The following TARDBP variants were observed in gnomAD, a reference collection of about 807,000 sequenced individuals.
TARDBP encodes the protein TAR DNA binding protein.
A neutral mutation model predicts 38.3 loss-of-function variants in TARDBP; 4 were observed. The ratio of observed to expected loss-of-function variants is 0.10; its 90% CI spans 0.05 to 0.24. TARDBP has a LOEUF of 0.24. TARDBP is among the 10% of genes least tolerant of loss of function. TARDBP has a pLI of 1.00. For missense variants in TARDBP, 202 were observed against 521.9 expected, an observed-to-expected ratio of 0.39 and a Z score of 5.97; for synonymous variants, 184 against 183.8, an observed-to-expected ratio of 1.00 and a Z score of -0.01.
At position 11,023,606 on chromosome 1, in the gene TARDBP, C is replaced by T. The variant is rs1437283168; in HGVS notation, c.*952C>T. 3.2e-6 allele frequency: 1 copy of T among 311,780 alleles called. No homozygotes were observed. The highest frequency in any genetic ancestry group is 2.1e-5 in the African/African-American group (1 of 46,770). 19.3% of individuals were successfully genotyped at this position (311,780 alleles called of 1,614,324 possible). The stretch of plus-strand genomic sequence containing the variant: ...GAGAGTGTGCAGAGAGCAATGATAG[C>T]AAATAATGTACGAATGTTTTTTGCA... On this transcript the variant is annotated 3_prime_UTR_variant, in exon 6 of 6. Transcript: ENST00000240185.
intron 1 of TARDBP, 66 bp from the exon 2 acceptor site, chr1:11,013,649 AT>A (rs1259186155): frequency 5.4e-6 from 7 of 1,294,708 alleles, no homozygotes; most frequent in Non-Finnish European, 7.7e-6. Flanking sequence ...TGGTTTGGGT[AT>A]TATCATTATA....
chr1:11,020,626 C>T (rs565477395), intron 5 of TARDBP, 27 bp downstream of exon 5: 127 of 1,605,404 alleles, frequency 7.9e-5, no homozygotes, highest in Non-Finnish European at 9.9e-5. Flanking sequence ...CGATATGTCC[C>T]GGCCGGGCGT....
At chr1:11,014,178 A>C (rs1643469783) in intron 2 of TARDBP, among the ~76,000 whole-genome samples, 1 of 152,234 alleles carries the variant, frequency 6.6e-6, no homozygotes, top group African/African-American at 2.4e-5. Flanking sequence ...ATGTATTTAA[A>C]AAATATCTGA....
At position 11,022,529 on chromosome 1, in the gene TARDBP, T is replaced by C; in HGVS notation, c.1120T>C (p.Tyr374His). 2 of 1,590,300 alleles carry C rather than the reference T, an allele frequency of 1.3e-6. No individual in the cohort carries two copies. Among genetic ancestry groups the C allele is most frequent in the Non-Finnish European group, 1.7e-6 (2 of 1,165,856 alleles). ...GGCCTTCGGTTCTGGAAATAACTCT[T>C]ATAGTGGCTCTAATTCTGGTGCAGC... ...NQAFGSGNNSYSGSNSGAAIG... is the reference protein window; with the variant it reads ...NQAFGSGNNSHSGSNSGAAIG... The change falls in exon 6 of 6, where the codon TAT (tyrosine) becomes CAT (histidine). Residue 374 changes from tyrosine to histidine, a missense_variant. Transcript: ENST00000240185. The surrounding 1 kb of genome is among the most constrained non-coding windows in gnomAD (Gnocchi z 4.5).
chr1:11,029,875 C>T (rs143645471), downstream of TARDBP: 579 of 193,092 alleles, frequency 3.0e-3, 4 homozygotes, highest in Middle Eastern at 0.016. Flanking sequence ...CCACCTGCCT[C>T]GGCCTCCCAA....
downstream of TARDBP, chr1:11,026,405 G>A (rs940681023): frequency 3.3e-5 from 5 of 152,642 alleles, no homozygotes; most frequent in African/African-American, 1.2e-4. Flanking sequence ...TTTTAACATG[G>A]AAATTTTAGT....
intron 4 of TARDBP, among the ~76,000 whole-genome samples, chr1:11,020,206 A>T (rs989973675): frequency 3.3e-5 from 5 of 152,190 alleles, no homozygotes; most frequent in African/African-American, 1.2e-4. Flanking sequence ...TATATCCATC[A>T]TTATGTGATG....
At chr1:11,029,165 TG>T (rs531802467), downstream of TARDBP, among the ~76,000 whole-genome samples, 630 of 76,276 alleles carry the variant, frequency 8.3e-3, 6 homozygotes, top group African/African-American at 0.017. Flanking sequence ...GCTAATTTTT[TG>T]TATTTTTTTT....
intron 2 of TARDBP, 66 bp from the exon 3 acceptor site, chr1:11,016,778 G>C (rs1240569554): frequency 4.0e-6 from 6 of 1,505,080 alleles, no homozygotes; most frequent in Non-Finnish European, 5.5e-6. Context: ...TCTAGATGTA[G>C]GAGGTAGTGT....
intron 2 of TARDBP, chr1:11,015,447 T>C (rs1643501898): frequency 3.3e-5 from 5 of 152,020 alleles, no homozygotes; most frequent in Admixed American, 2.0e-4. Context: ...ATCGTGCCAC[T>C]GCTCTCTGGC....
In TARDBP at chr1:11,024,469, T is replaced by G. The variant is rs996425430; in HGVS notation, c.*1815T>G. ...TTCTTATTTGGGGGAGTGGGCAAAA[T>G]GTTGATTATTTTCTAATGCTTTGTA... On this transcript the variant is annotated 3_prime_UTR_variant, in exon 6 of 6. Coordinates refer to ENST00000240185, the MANE Select transcript of TARDBP (RefSeq NM_007375.4). 1 of 152,516 alleles carries G rather than the reference T, an allele frequency of 6.6e-6. No individual in the cohort carries two copies. Among genetic ancestry groups the G allele is most frequent in the Admixed American group, 6.6e-5 (1 of 15,246 alleles). 9.4% of individuals were successfully genotyped at this position (152,516 alleles called of 1,614,324 possible). A position where few individuals can be genotyped will look rare whatever the true frequency, so the allele number is the denominator to read the frequency against.
rs111671110 is a variant in TARDBP at position 11,013,817 on chromosome 1, G to T, written c.90G>T (p.Thr30=). ...SEDDGTVLLS[T]VTAQFPGACG... ...ACGATGGGACGGTGCTGCTCTCCAC[G>T]GTTACAGCCCAGTTTCCAGGGGCGT... Residue 30 remains threonine (T), a synonymous_variant, in exon 2 of 6, where the codon ACG becomes ACT. Coordinates refer to ENST00000240185, the MANE Select transcript of TARDBP (RefSeq NM_007375.4). 4.3e-6 allele frequency: 7 copies of T among 1,613,992 alleles called. No homozygotes were observed. The highest frequency in any genetic ancestry group is 1.3e-5 in the African/African-American group (1 of 75,052).
intron 3 of TARDBP, among the ~76,000 whole-genome samples, chr1:11,018,192 TC>T (rs2100847641): frequency 6.6e-6 from 1 of 152,200 alleles, no homozygotes; most frequent in East Asian, 1.9e-4. Context: ...TCTCTTTTTT[TC>T]TTTTCTTTTT....
chr1:11,027,185 ATACAT>A (rs1557664236), downstream of TARDBP: 1 of 1,614,208 alleles, frequency 6.2e-7, no homozygotes, highest in South Asian at 1.1e-5. Flanking sequence ...GTATGTCGAC[ATACAT>A]TAGATTTCTA....
At chr1:11,013,996 C>G in intron 2 of TARDBP, 31 bp downstream of exon 2, 1 of 1,602,982 alleles carries the variant, frequency 6.2e-7, no homozygotes, top group Non-Finnish European at 8.5e-7. Context: ...TGTAATCATG[C>G]TGAAGTGTGT....
chr1:11,029,297 G>A (rs1643799828), downstream of TARDBP, among the ~76,000 whole-genome samples: 1 of 150,212 alleles, frequency 6.7e-6, no homozygotes, highest in Non-Finnish European at 1.5e-5. Flanking sequence ...ACCATGCCTG[G>A]CCCTGATTTG....
chr1:11,026,196 G>A (rs1643729361), downstream of TARDBP: 1 of 152,660 alleles, frequency 6.6e-6, no homozygotes, highest in Non-Finnish European at 1.5e-5. Flanking sequence ...TGCTTTTTAA[G>A]GGCTTTTGAA....
chr1:11,021,140 CT>C lies in TARDBP; in HGVS notation c.714+556del, dbSNP rs568381462. On this transcript the variant is annotated intron_variant, in intron 5 of 5. Transcript: ENST00000240185. The stretch of plus-strand genomic sequence containing the variant: ...ATGTGGCATTTGGGAATGTTATATA[CT>C]TTTTTTTTTTTTTTGAGACAGAGTT... 8.0e-3 allele frequency among the ~76,000 whole-genome samples: 1,172 copies of C among 146,140 alleles called. 5 individuals are homozygous for C. Among genetic ancestry groups the C allele is most frequent in the Non-Finnish European group, 9.2e-3 (609 of 66,416 alleles).
downstream of TARDBP, chr1:11,030,470 A>C (rs557818484): frequency 1.2e-5 from 7 of 581,934 alleles, no homozygotes; most frequent in Non-Finnish European, 2.1e-5. Flanking sequence ...ATATGTATCA[A>C]GATCTCAAGT....
Sources: allele counts gnomAD v4.1 joint callset (sites outside exome capture counted in the v4.1 genomes callset), GRCh38; gene constraint gnomAD v4.1.1; non-coding constraint Gnocchi (gnomAD v3.1); transcripts MANE v1.5; gene names NCBI Gene and HGNC (gene_info 2026-07-23, HGNC 2026-07-21).